RPH3AL: variants seen among roughly 807,000 people sequenced by gnomAD.
RPH3AL encodes the protein rabphilin 3A like (without C2 domains).
RPH3AL carries 38 observed loss-of-function variants against 43.1 expected under a neutral mutation model. That is an observed-to-expected ratio of 0.88 (90% CI 0.68 to 1.15). RPH3AL has a LOEUF of 1.15. Among genes scored for constraint, RPH3AL ranks in the 50% most tolerant of loss-of-function variants. RPH3AL has a pLI of 0.00. For missense variants in RPH3AL, 462 were observed against 423.2 expected (o/e 1.09, Z -0.81); for synonymous variants, 189 against 176.3 (o/e 1.07, Z -0.57).
At chr17:262,160 G>A (rs143643310) in intron 6 of RPH3AL, among the ~76,000 whole-genome samples, 207 of 152,280 alleles carry the variant, frequency 1.4e-3, no homozygotes, top group Non-Finnish European at 2.2e-3. Flanking sequence ...GGGTGGTCTA[G>A]GGGTCAAGGT....
At chr17:338,687 A>C (rs1027641544) in intron 1 of RPH3AL, 3 of 152,178 alleles carry the variant, frequency 2.0e-5, no homozygotes, top group Non-Finnish European at 4.4e-5. Flanking sequence ...GCAGAAACGC[A>C]GGCCTGCTTC....
At chr17:321,092 G>T (rs190034445) in intron 4 of RPH3AL, among the ~76,000 whole-genome samples, 180 bp downstream of exon 4, 315 of 152,312 alleles carry the variant, frequency 2.1e-3, no homozygotes, top group African/African-American at 6.9e-3. Context: ...AGCGGGCTGG[G>T]TTACACTCCC....
chr17:212,828 C>T lies in RPH3AL; in HGVS notation c.*1024G>A, dbSNP rs963074972. On this transcript the variant is annotated 3_prime_UTR_variant, in exon 10 of 10. Coordinates refer to ENST00000331302, the MANE Select transcript of RPH3AL (RefSeq NM_006987.4). ...AGTGAATTCATGGCTGAGGGAGCCA[C>T]GTGCCCTGGCTGGGGATGCACCTGA... 13 of 152,106 alleles carry T rather than the reference C, an allele frequency of 8.5e-5. No individual in the cohort carries two copies. Among genetic ancestry groups the T allele is most frequent in the Admixed American group, 2.6e-4 (4 of 15,284 alleles). 9.4% of individuals were successfully genotyped at this position (152,106 alleles called of 1,614,324 possible).
At chr17:318,461 A>G (rs1373923940) in intron 5 of RPH3AL, among the ~76,000 whole-genome samples, 1 of 152,206 alleles carries the variant, frequency 6.6e-6, no homozygotes, top group Non-Finnish European at 1.5e-5. Flanking sequence ...AAAACAAAAA[A>G]GAGGAAGACA....
At chr17:317,168 C>T (rs1394080370) in intron 5 of RPH3AL, among the ~76,000 whole-genome samples, 284 of 144,496 alleles carry the variant, frequency 2.0e-3, no homozygotes, top group African/African-American at 6.7e-3. Context: ...GACCTTTAGT[C>T]CCTGTGCTCC....
Position 215,663 on chromosome 17 carries a change from T to G in RPH3AL, c.867A>C (p.Arg289=), listed in dbSNP as rs2040779973. The change falls in exon 9 of 10, where the codon CGA becomes CGC. Residue 289 remains arginine (R), a synonymous_variant. Coordinates refer to ENST00000331302, the MANE Select transcript of RPH3AL (RefSeq NM_006987.4). The surrounding 1 kb of genome is among the most constrained non-coding windows in gnomAD (Gnocchi z 4.1). ...GCAGTTGGGTACTCACCGGGGCCCT[T>G]CGGGTCAGCCCGGGGCGGGGTCCCC... The part of the protein sequence containing the change: ...PPGGPRPGLT[R]RAPVKDTPGR... 1 of 1,277,666 alleles carries G rather than the reference T, an allele frequency of 7.8e-7. No individual in the cohort carries two copies. The highest frequency in any genetic ancestry group is 4.1e-5 in the Admixed American group (1 of 24,406). 79.1% of individuals were successfully genotyped at this position (1,277,666 alleles called of 1,614,324 possible). A position where few individuals can be genotyped will look rare whatever the true frequency, so the allele number is the denominator to read the frequency against.
intron 5 of RPH3AL, among the ~76,000 whole-genome samples, chr17:317,663 C>A (rs1424439817): frequency 6.6e-6 from 1 of 152,234 alleles, no homozygotes; most frequent in African/African-American, 2.4e-5. Flanking sequence ...ATCCACCTTC[C>A]TCAGCCCAGT....
At chr17:312,671 C>A (rs2043673683) in intron 5 of RPH3AL, among the ~76,000 whole-genome samples, 1 of 152,224 alleles carries the variant, frequency 6.6e-6, no homozygotes, top group South Asian at 2.1e-4. Flanking sequence ...TGCCAATGGG[C>A]CAGGCAGTCT....
At chr17:252,754 G>A (rs1408757358) in intron 6 of RPH3AL, among the ~76,000 whole-genome samples, 2 of 152,192 alleles carry the variant, frequency 1.3e-5, no homozygotes, top group East Asian at 3.9e-4. Flanking sequence ...GCTTGGGACA[G>A]AAGTGCTTCA....
chr17:310,926 G>A (rs529565019), intron 5 of RPH3AL, among the ~76,000 whole-genome samples: 1 of 152,094 alleles, frequency 6.6e-6, no homozygotes, highest in Non-Finnish European at 1.5e-5. Context: ...GGGCCCCCAG[G>A]GGGGCAGTGC....
intron 5 of RPH3AL, among the ~76,000 whole-genome samples, chr17:317,749 G>A (rs1467557398): frequency 6.6e-6 from 1 of 152,134 alleles, no homozygotes; most frequent in South Asian, 2.1e-4. Context: ...CTTACTAATT[G>A]GGCAGGTTAA....
chr17:282,716 C>T (rs747993466), intron 5 of RPH3AL, among the ~76,000 whole-genome samples: 6 of 152,190 alleles, frequency 3.9e-5, no homozygotes, highest in African/African-American at 7.2e-5. Context: ...AGCACACTTA[C>T]GCAAACCAAG....
At chr17:315,646 T>TTCTTGTGA (rs1567510861) in intron 5 of RPH3AL, among the ~76,000 whole-genome samples, 220 of 144,610 alleles carry the variant, frequency 1.5e-3, no homozygotes, top group Middle Eastern at 0.011. Context: ...TGACCTGTAG[T>TTCTTGTGA]CCCTGTGCTC....
intron 6 of RPH3AL, among the ~76,000 whole-genome samples, chr17:272,957 T>TCAGGGAGAGACCCCAGCAAGGGCG (rs2042519076): frequency 7.5e-5 from 2 of 26,754 alleles, no homozygotes; most frequent in African/African-American, 1.9e-4. Flanking sequence ...CAGCAAGGGC[T>TCAGGGAGAGACCCCAGCAAGGGCG]ACGTCAGGGT....
intron 5 of RPH3AL, among the ~76,000 whole-genome samples, chr17:313,533 C>T (rs2043704447): frequency 6.6e-6 from 1 of 152,174 alleles, no homozygotes; most frequent in African/African-American, 2.4e-5. Context: ...CAGATCTTCC[C>T]AGGGCCAGCT....
rs555723999 is a variant in RPH3AL, at chr17:240,831, G to A, written c.613+6280C>T. 4.6e-5 allele frequency among the ~76,000 whole-genome samples: 7 copies of A among 152,224 alleles called. No individual in the cohort carries two copies. The South Asian group carries it at 6.2e-4, about 14-fold the overall frequency. On this transcript the variant is annotated intron_variant, in intron 7 of 9. Transcript: ENST00000331302. ...TCCCAGCAATTTGGGAGGCCAAGGC[G>A]GGAGGATCACGAGGTCAGGAGATCG...
chr17:232,129 C>T (rs949704870), intron 7 of RPH3AL, among the ~76,000 whole-genome samples: 2 of 152,208 alleles, frequency 1.3e-5, no homozygotes, highest in East Asian at 1.9e-4. Context: ...CCAAGCAAGA[C>T]GTGGCCGGGC....
At chr17:314,533 C>A (rs920729656) in intron 5 of RPH3AL, among the ~76,000 whole-genome samples, 33 of 144,314 alleles carry the variant, frequency 2.3e-4, no homozygotes, top group African/African-American at 8.5e-4. Context: ...CCTGTGACTC[C>A]ACCTCCATTG....
chr17:348,790 C>A (rs914190904), intron 1 of RPH3AL: 2 of 152,128 alleles, frequency 1.3e-5, no homozygotes, highest in African/African-American at 4.8e-5. Flanking sequence ...ACCACGTGGC[C>A]CTCCCTTGGG....
Sources: gnomAD v4.1 joint callset for allele counts (sites outside exome capture counted in the v4.1 genomes callset) on GRCh38, gnomAD v4.1.1 for gene constraint, Gnocchi (gnomAD v3.1) non-coding constraint, MANE v1.5 for transcripts, NCBI Gene and HGNC (gene_info 2026-07-23, HGNC 2026-07-21) for gene names.